The following ASL variants were observed in gnomAD, a reference collection of about 807,000 sequenced individuals.
The protein encoded by ASL is argininosuccinate lyase.
Under a neutral mutation model 69.1 loss-of-function variants are expected in ASL, and 51 were observed. The observed-to-expected ratio is 0.74, with a 90% CI of 0.59 to 0.93. The LOEUF (loss-of-function observed/expected upper bound fraction) is 0.93, where lower values mean the gene tolerates loss of function less well. Ranked by LOEUF, ASL falls within the 40% of genes least tolerant of loss-of-function variation. The pLI, the probability that ASL is intolerant of heterozygous loss-of-function variation, is 0.00. For synonymous variants in ASL, 241 were observed against 247.6 expected (o/e 0.97, Z 0.25); for missense variants, 540 against 623.9 (o/e 0.87, Z 1.43).
At chr7:66,076,136 GGA>G in intron 2 of ASL, 43 bp downstream of exon 2, 1 of 1,576,294 alleles carries the variant, frequency 6.3e-7, no homozygotes, top group Non-Finnish European at 8.6e-7. Context: ...AGCCTCCAAA[GGA>G]GAGAGTGGGG....
rs763475038 is a variant in ASL, at chr7:66,086,630, C to T, written c.492C>T (p.Ala164=). ...LFPGYTHLQR[A]QPIRWSHWIL... The stretch of plus-strand genomic sequence containing the variant: ...CGGGGTACACCCATTTGCAGAGGGC[C>T]CAGCCCATCCGCTGGAGCCACTGGA... Residue 164 remains alanine, a synonymous_variant, in exon 7 of 17, where the codon GCC becomes GCT. Coordinates refer to ENST00000304874, the MANE Select transcript of ASL (RefSeq NM_000048.4). 2 of 1,613,922 alleles carry T rather than the reference C, an allele frequency of 1.2e-6. No homozygotes were observed. Among genetic ancestry groups the T allele is most frequent in the Non-Finnish European group, 1.7e-6 (2 of 1,180,038 alleles).
At chr7:66,089,564 G>T (rs1786783757) in intron 13 of ASL, 48 bp from the exon 14 acceptor site, 2 of 1,602,752 alleles carry the variant, frequency 1.2e-6, no homozygotes, top group South Asian at 2.2e-5. Context: ...GGGGACCCTG[G>T]GTGCCAGGGG....
intron 11 of ASL, 61 bp downstream of exon 11, chr7:66,088,982 C>G (rs769682758): frequency 2.0e-4 from 329 of 1,606,948 alleles, no homozygotes; most frequent in Non-Finnish European, 2.4e-4. Context: ...CCGCCGCCCG[C>G]GGACGTGGCT....
chr7:66,092,652 G>T lies in ASL; in HGVS notation c.1239G>T (p.Leu413=), dbSNP rs780205992. 4.3e-6 allele frequency: 7 copies of T among 1,613,624 alleles called. No individual in the cohort carries two copies. Among genetic ancestry groups the T allele is most frequent in the Non-Finnish European group, 5.9e-6 (7 of 1,180,000 alleles). Residue 413 remains leucine (L), a synonymous_variant, in exon 16 of 17, where the codon CTG becomes CTT. Transcript: ENST00000304874. ...TCAACCAGCTGTCACTGCAGGAGCT[G>T]CAGACCATCAGGTACGGCCCATCCC... ...VALNQLSLQE[L]QTISPLFSGD...
At chr7:66,085,214 C>T (rs1284209684) in intron 6 of ASL, among the ~76,000 whole-genome samples, 2 of 151,688 alleles carry the variant, frequency 1.3e-5, no homozygotes, top group South Asian at 2.1e-4. Context: ...CTGTGGCTCA[C>T]GCCTGTAATC....
chr7:66,088,674 T>C (rs1042487641), intron 10 of ASL, 133 bp from the exon 11 acceptor site: 3 of 765,698 alleles, frequency 3.9e-6, no homozygotes, highest in Non-Finnish European at 6.9e-6. Flanking sequence ...TTGGGCGACA[T>C]AGCACGACCC....
rs28940287 is a variant in ASL at position 66,092,078 on chromosome 7, C to T, written c.1135C>T (p.Arg379Cys). ...LATDLAYYLV[R>C]KGMPFRQAHE... ...CACTGACCTTGCCTATTACCTGGTC[C>T]GCAAAGGGGTAAGTGTGTAGCAGCC... The change falls in exon 15 of 17, where the codon CGC becomes TGC. Residue 379 changes from arginine to cysteine, a missense_variant. Physicochemically the swap from Arg to Cys is radical, Grantham distance 180. Coordinates refer to ENST00000304874, the MANE Select transcript of ASL (RefSeq NM_000048.4). The T allele has an allele frequency of 5.9e-5, 95 of 1,612,042 alleles. No homozygotes were observed. The highest frequency in any genetic ancestry group is 1.1e-4 in the South Asian group (10 of 91,078).
At chr7:66,089,969 T>C (rs1786797220) in intron 14 of ASL, among the ~76,000 whole-genome samples, 1 of 152,194 alleles carries the variant, frequency 6.6e-6, no homozygotes, top group African/African-American at 2.4e-5. Context: ...CCAGGTGCAG[T>C]GGCTCATGCC....
chr7:66,087,382 A>G lies in ASL; in HGVS notation c.651A>G (p.Arg217=), dbSNP rs1460904725. The G allele has an allele frequency of 1.2e-6, 2 of 1,606,838 alleles. No individual in the cohort carries two copies. Among genetic ancestry groups the G allele is most frequent in the East Asian group, 4.5e-5 (2 of 44,848 alleles). The change falls in exon 9 of 17, where the codon CGA becomes CGG. Residue 217 remains arginine (R), a synonymous_variant. Transcript: ENST00000304874. The part of the protein sequence containing the change: ...NPLGVDRELL[R]AELNFGAITL... ...TGGGTGTGGACCGAGAGCTGCTCCG[A>G]GCAGGTGAGACGTCCTGCCCCTCCT...
At chr7:66,086,257 A>G (rs540397848) in intron 6 of ASL, among the ~76,000 whole-genome samples, 8 of 152,204 alleles carry the variant, frequency 5.3e-5, no homozygotes, top group African/African-American at 1.9e-4. Context: ...CCCACGGCCA[A>G]GTCATACCCA....
intron 13 of ASL, 92 bp downstream of exon 13, chr7:66,089,427 C>T (rs1562742985): frequency 6.0e-6 from 9 of 1,508,456 alleles, no homozygotes; most frequent in Middle Eastern, 2.0e-4. Context: ...TGCCATACAT[C>T]CTCCCATCCT....
chr7:66,092,867 G>T lies in ASL; in HGVS notation c.1350G>T (p.Trp450Cys). The T allele has an allele frequency of 6.2e-7, 1 of 1,612,272 alleles. No homozygotes were observed. The change falls in exon 17 of 17, where the codon TGG (tryptophan) becomes TGT (cysteine). Residue 450 changes from tryptophan to cysteine, a missense_variant. Coordinates refer to ENST00000304874, the MANE Select transcript of ASL (RefSeq NM_000048.4). ...GCACTGCGCGCTCCAGCGTCGACTG[G>T]CAGATCCGCCAGGTGCGGGCGCTAC... is the stretch of plus-strand genomic sequence containing the variant. ...LGGTARSSVD[W>C]QIRQVRALLQ... is the part of the protein sequence containing the mutation.
At position 66,087,687 on chromosome 7, in the gene ASL, C is replaced by T. The variant is rs751604140; in HGVS notation, c.656-42C>T. The T allele has an allele frequency of 2.5e-6, 4 of 1,613,124 alleles. No individual in the cohort carries two copies. The Admixed American group carries it at 5.0e-5, about 20-fold the overall frequency. The stretch of plus-strand genomic sequence containing the variant: ...CCTAGTTGGGGGAGAGGGGGCCACT[C>T]CCTGTCCTCCAGCTTAGCCCTGCTT... On this transcript the variant is annotated intron_variant, in intron 9 of 16. Coordinates refer to ENST00000304874, the MANE Select transcript of ASL (RefSeq NM_000048.4).
At position 66,087,725 on chromosome 7, in the gene ASL, C is replaced by G. The variant is rs571362354; in HGVS notation, c.656-4C>G. On this transcript the variant is annotated splice_region_variant and splice_polypyrimidine_tract_variant and intron_variant, in intron 9 of 16. Transcript: ENST00000304874. ...CTTAGCCCTGCTTCCTCCCACCCCCCCAGAACTCAACTTTGGGGCCATCAC... is the reference window on the plus strand; with the variant it reads ...CTTAGCCCTGCTTCCTCCCACCCCCGCAGAACTCAACTTTGGGGCCATCAC... 1.1e-5 allele frequency: 18 copies of G among 1,613,986 alleles called. No individual in the cohort carries two copies. The South Asian group carries it at 1.4e-4, about 13-fold the overall frequency.
chr7:66,093,217 T>G lies in ASL; in HGVS notation c.*305T>G. On this transcript the variant is annotated 3_prime_UTR_variant, in exon 17 of 17. Coordinates refer to ENST00000304874, the MANE Select transcript of ASL (RefSeq NM_000048.4). ...ATATAGTCCCAGCTACTTGTAAGGC[T>G]GAGGTGAGAGGACACTTGTGCCCAG... The G allele has an allele frequency of 2.1e-6, 1 of 468,240 alleles. No individual in the cohort carries two copies. Among genetic ancestry groups the G allele is most frequent in the South Asian group, 2.1e-5 (1 of 48,724 alleles). 29.0% of individuals were successfully genotyped at this position (468,240 alleles called of 1,614,324 possible). A position where few individuals can be genotyped will look rare whatever the true frequency, so the allele number is the denominator to read the frequency against.
At chr7:66,091,580 G>A (rs545017445) in intron 14 of ASL, 12 of 209,996 alleles carry the variant, frequency 5.7e-5, no homozygotes, top group Non-Finnish European at 1.1e-4. Flanking sequence ...CAACAAATTA[G>A]CTAGGCACGG....
At chr7:66,087,554 A>C (rs1336304838) in intron 9 of ASL, 168 bp downstream of exon 9, 2 of 995,224 alleles carry the variant, frequency 2.0e-6, no homozygotes, top group African/African-American at 3.2e-5. Flanking sequence ...CATGGCAGGG[A>C]TGCCTGGTAC....
chr7:66,081,768 G>C (rs753013599), intron 2 of ASL, 35 bp from the exon 3 acceptor site: 2 of 1,604,494 alleles, frequency 1.2e-6, no homozygotes, highest in Non-Finnish European at 8.5e-7. Flanking sequence ...CTGGAGGGTG[G>C]AGGAGAGACT....
chr7:66,082,395 T>C lies in ASL; in HGVS notation c.235T>C (p.Phe79Leu). 1 of 1,612,572 alleles carries C rather than the reference T, an allele frequency of 6.2e-7. No individual in the cohort carries two copies. The highest frequency in any genetic ancestry group is 8.5e-7 in the Non-Finnish European group (1 of 1,179,650). ...KVAEEWAQGT[F>L]KLNSNDEDIH... ...GGCTGAGGAGTGGGCCCAGGGCACC[T>C]TCAAACTGAACTCCAATGATGAGGA... Residue 79 changes from phenylalanine (F) to leucine (L), a missense_variant, in exon 4 of 17, where the codon TTC becomes CTC. Physicochemically the swap from Phe to Leu is conservative, Grantham distance 22. Coordinates refer to ENST00000304874, the MANE Select transcript of ASL (RefSeq NM_000048.4).
Sources: allele counts gnomAD v4.1 joint callset (sites outside exome capture counted in the v4.1 genomes callset), GRCh38; gene constraint gnomAD v4.1.1; transcripts MANE v1.5; gene names NCBI Gene and HGNC (gene_info 2026-07-23, HGNC 2026-07-21).